Variants in PJVK observed in about 807,000 individuals in gnomAD.
The protein encoded by PJVK is autosomal recessive deafness type 59 protein.
A neutral mutation model predicts 37.6 loss-of-function variants in PJVK; 33 were observed. The observed-to-expected ratio is 0.88, with a 90% CI of 0.67 to 1.17. The LOEUF is 1.17. PJVK is among the 50% of genes most tolerant of loss of function. The probability of loss-of-function intolerance (pLI) is 0.00; values close to 1 mark genes in which losing one functional copy is unlikely to be tolerated. For missense variants in PJVK, 410 were observed against 413.8 expected, an observed-to-expected ratio of 0.99 and a Z score of 0.08; for synonymous variants, 141 against 143.5, an observed-to-expected ratio of 0.98 and a Z score of 0.13.
chr2:178,457,459 T>G (rs571758007), intron 4 of PJVK, among the ~76,000 whole-genome samples: 1 of 152,082 alleles, frequency 6.6e-6, no homozygotes, highest in African/African-American at 2.4e-5. Flanking sequence ...CTACAAAAAA[T>G]AAAAGAATTA....
intron 6 of PJVK, among the ~76,000 whole-genome samples, chr2:178,460,671 T>C (rs569075075): frequency 1.3e-5 from 2 of 151,950 alleles, no homozygotes; most frequent in South Asian, 2.1e-4. Flanking sequence ...GAAAACCCCA[T>C]CTGTACAAAG....
At chr2:178,456,391 T>C (rs1268992020) in intron 4 of PJVK, among the ~76,000 whole-genome samples, 3 of 152,164 alleles carry the variant, frequency 2.0e-5, no homozygotes, top group Non-Finnish European at 4.4e-5. Context: ...ATTACGTGCA[T>C]ACTGGAGTCC....
rs1366416400 is a variant in PJVK at position 178,461,869 on chromosome 2, C to A, written c.*595C>A. Among the ~76,000 whole-genome samples the A allele has an allele frequency of 1.3e-5, 2 of 152,168 alleles. No individual in the cohort carries two copies. Among genetic ancestry groups the A allele is most frequent in the Non-Finnish European group, 2.9e-5 (2 of 68,026 alleles). ...AAGTGCTGGGATTACAGGCATGGGC[C>A]ACCGTGCCTGGCCTAGATAACTTTT... On this transcript the variant is annotated 3_prime_UTR_variant, in exon 7 of 7. Transcript: ENST00000644580.
intron 2 of PJVK, 183 bp downstream of exon 2, chr2:178,453,803 T>G (rs1697872661): frequency 1.8e-6 from 1 of 562,634 alleles, no homozygotes; most frequent in Non-Finnish European, 3.2e-6. Flanking sequence ...TAATATCAAA[T>G]CTCTTATTGG....
At position 178,461,511 on chromosome 2, in the gene PJVK, A is replaced by C; in HGVS notation, c.*237A>C. The stretch of plus-strand genomic sequence containing the variant: ...TTATATCAAAAAAGATTTACATATA[A>C]AATTCAGAGATTATGAATCATGCCA... On this transcript the variant is annotated 3_prime_UTR_variant, in exon 7 of 7. Transcript: ENST00000644580. The C allele has an allele frequency of 2.2e-6, 1 of 464,862 alleles. No homozygotes were observed. The highest frequency in any genetic ancestry group is 3.8e-6 in the Non-Finnish European group (1 of 260,562). The allele number at this position is 464,862 out of a possible 1,614,324, so 28.8% of individuals were successfully genotyped here. A position where few individuals can be genotyped will look rare whatever the true frequency, so the allele number is the denominator to read the frequency against.
At chr2:178,452,477 T>C in intron 1 of PJVK, 1 of 985,264 alleles carries the variant, frequency 1.0e-6, no homozygotes, top group Non-Finnish European at 1.2e-6. Context: ...CATCACTGTT[T>C]TAATGGATAT....
At chr2:178,457,218 C>T (rs1684168151) in intron 4 of PJVK, among the ~76,000 whole-genome samples, 1 of 152,174 alleles carries the variant, frequency 6.6e-6, no homozygotes, top group South Asian at 2.1e-4. Context: ...AGGTGTGAGC[C>T]ACCGCGCCTG....
intron 1 of PJVK, chr2:178,452,495 G>A: frequency 1.0e-6 from 1 of 985,132 alleles, no homozygotes; most frequent in Non-Finnish European, 1.2e-6. Context: ...TATCTTATTG[G>A]AAGGGCTACA....
intron 6 of PJVK, 91 bp downstream of exon 6, chr2:178,460,537 A>C (rs1361503791): frequency 8.8e-6 from 11 of 1,244,738 alleles, no homozygotes; most frequent in Admixed American, 2.0e-5. Context: ...TCATCTGTTA[A>C]GGAAAAATTT....
intron 1 of PJVK, 81 bp downstream of exon 1, chr2:178,451,850 G>C: frequency 1.0e-6 from 1 of 985,516 alleles, no homozygotes; most frequent in Non-Finnish European, 1.2e-6. Context: ...AATGGCGTTT[G>C]CCTGGGATGC....
intron 4 of PJVK, among the ~76,000 whole-genome samples, chr2:178,457,190 C>G (rs1684165304): frequency 6.6e-6 from 1 of 152,166 alleles, no homozygotes; most frequent in Non-Finnish European, 1.5e-5. Context: ...CCTCGGCCTC[C>G]CAAAATGCTG....
chr2:178,451,402 T>G lies in PJVK; in HGVS notation c.-390T>G, dbSNP rs531069156. ...TGACCAGCCTGTAGTAACTGGCCCC[T>G]AGGCCGCAGTTCTTTGTCCTTAGCA... On this transcript the variant is annotated 5_prime_UTR_variant, in exon 1 of 7. Coordinates refer to ENST00000644580, the MANE Select transcript of PJVK (RefSeq NM_001042702.5). The G allele has an allele frequency of 2.1e-5, 6 of 284,708 alleles. No individual in the cohort carries two copies. Among genetic ancestry groups the G allele is most frequent in the East Asian group, 9.3e-5 (1 of 10,800 alleles). 17.6% of individuals were successfully genotyped at this position (284,708 alleles called of 1,614,324 possible). A position where few individuals can be genotyped will look rare whatever the true frequency, so the allele number is the denominator to read the frequency against.
Position 178,460,995 on chromosome 2 carries a change from G to A in PJVK, c.780G>A (p.Met260Ile), listed in dbSNP as rs1236565392. ...NILFERNRRV[M>I]DVISRSQLYL... ...TTGTCCTTTTAGATAGAAGAGTGAT[G>A]GATGTCATTTCTCGTTCACAGCTTT... The change falls in exon 7 of 7, where the codon ATG becomes ATA. Residue 260 changes from methionine (M) to isoleucine (I), a missense_variant. Met to Ile is a conservative substitution (Grantham distance 10). Coordinates refer to ENST00000644580, the MANE Select transcript of PJVK (RefSeq NM_001042702.5). The A allele has an allele frequency of 6.2e-7, 1 of 1,613,682 alleles. No individual in the cohort carries two copies. The highest frequency in any genetic ancestry group is 8.5e-7 in the Non-Finnish European group (1 of 1,179,968).
In PJVK at chr2:178,455,991, T is replaced by A; in HGVS notation, c.408-19T>A. 6.2e-7 allele frequency: 1 copy of A among 1,612,822 alleles called. No homozygotes were observed. Among genetic ancestry groups the A allele is most frequent in the Non-Finnish European group, 8.5e-7 (1 of 1,179,236 alleles). On this transcript the variant is annotated intron_variant, in intron 3 of 6. Coordinates refer to ENST00000644580, the MANE Select transcript of PJVK (RefSeq NM_001042702.5). Reference sequence around the variant, plus strand: ...ATTAGATGTTATAGAGTCTTGTGAATGTATCTTCTTTATTTTAGAAAAATT... The same window carrying A: ...ATTAGATGTTATAGAGTCTTGTGAAAGTATCTTCTTTATTTTAGAAAAATT...
chr2:178,454,084 C>T (rs531924187), intron 2 of PJVK: 31 of 386,020 alleles, frequency 8.0e-5, no homozygotes, highest in Non-Finnish European at 1.1e-4. Flanking sequence ...TTTAATTGCC[C>T]GGTGGATCTT....
intron 4 of PJVK, among the ~76,000 whole-genome samples, chr2:178,457,061 C>T (rs1684151192): frequency 6.6e-6 from 1 of 152,006 alleles, no homozygotes; most frequent in African/African-American, 2.4e-5. Flanking sequence ...CTCCGCCTCC[C>T]GGGTTCATGC....
In PJVK at chr2:178,454,320, C is replaced by A. The variant is rs199967536; in HGVS notation, c.212-12C>A. The A allele has an allele frequency of 3.5e-5, 56 of 1,603,190 alleles. No homozygotes were observed. Among genetic ancestry groups the A allele is most frequent in the Middle Eastern group, 3.6e-4 (2 of 5,604 alleles). Reference sequence around the variant, plus strand: ...AAGATGTTTAAAAAATACTGAGTTTCTTCTTATAAAGGTATTTCATCTTAT... The same window carrying A: ...AAGATGTTTAAAAAATACTGAGTTTATTCTTATAAAGGTATTTCATCTTAT... On this transcript the variant is annotated splice_polypyrimidine_tract_variant and intron_variant, in intron 2 of 6. Transcript: ENST00000644580.
chr2:178,452,803 A>T (rs1489080156), intron 1 of PJVK: 1 of 189,276 alleles, frequency 5.3e-6, no homozygotes, highest in African/African-American at 2.4e-5. Context: ...TTTGCATATA[A>T]TTGTTTATAT....
intron 3 of PJVK, chr2:178,455,080 G>A (rs976050191): frequency 1.8e-5 from 28 of 1,535,802 alleles, no homozygotes; most frequent in Non-Finnish European, 2.3e-5. Flanking sequence ...GGCAGCCAGC[G>A]ATCATCGATG....
Sources: gnomAD v4.1 joint callset for allele counts (sites outside exome capture counted in the v4.1 genomes callset) on GRCh38, gnomAD v4.1.1 for gene constraint, MANE v1.5 for transcripts, NCBI Gene and HGNC (gene_info 2026-07-23, HGNC 2026-07-21) for gene names.